ARMC6: variants seen among roughly 807,000 people sequenced by gnomAD.
ARMC6 encodes armadillo repeat containing 6, also known as armadillo repeat-containing protein 6.
ARMC6 carries 43 observed loss-of-function variants against 49.2 expected under a neutral mutation model. The ratio of observed to expected loss-of-function variants is 0.87; its 90% CI spans 0.69 to 1.13. ARMC6 has a LOEUF of 1.13. Ranked by LOEUF, ARMC6 falls within the 50% of genes most tolerant of loss-of-function variation. The probability of loss-of-function intolerance (pLI) is 0.00; values close to 1 mark genes in which losing one functional copy is unlikely to be tolerated. For synonymous variants in ARMC6, 262 were observed against 289.6 expected (o/e 0.90, Z 0.97); for missense variants, 627 against 682.0 (o/e 0.92, Z 0.90).
intron 2 of ARMC6, among the ~76,000 whole-genome samples, chr19:19,038,645 T>C (rs1297670617): frequency 6.6e-6 from 1 of 152,168 alleles, no homozygotes; most frequent in Admixed American, 6.5e-5. Flanking sequence ...TGGCGTGATC[T>C]TGTCTCACTG....
At chr19:19,054,096 A>AG (rs1406900877) in intron 5 of ARMC6, 56 bp from the exon 6 acceptor site, 1 of 1,450,604 alleles carries the variant, frequency 6.9e-7, no homozygotes, top group African/African-American at 1.5e-5. Flanking sequence ...ACCAAAACAG[A>AG]GGGCCCTGCG....
At chr19:19,042,512 C>G (rs1217555452) in intron 2 of ARMC6, among the ~76,000 whole-genome samples, 199 bp from the exon 3 acceptor site, 2 of 152,184 alleles carry the variant, frequency 1.3e-5, no homozygotes, top group African/African-American at 4.8e-5. Flanking sequence ...CACACCCGGC[C>G]TCTTCTGTAT....
rs2059537815 is a variant in ARMC6 at position 19,055,669 on chromosome 19, G to C, written c.1156-122G>C. On this transcript the variant is annotated intron_variant, in intron 7 of 8. Transcript: ENST00000535612. The surrounding 1 kb of genome is among the most constrained non-coding windows in gnomAD (Gnocchi z 5.7). ...TTGTCACCCTGCCATTATTACACAG[G>C]AGTTGCCAGAGACCCACGGAGGGGA... The C allele has an allele frequency of 7.3e-7, 1 of 1,376,988 alleles. No homozygotes were observed. Among genetic ancestry groups the C allele is most frequent in the Non-Finnish European group, 9.8e-7 (1 of 1,021,236 alleles). The allele number at this position is 1,376,988 out of a possible 1,614,324, so 85.3% of individuals were successfully genotyped here.
Position 19,055,241 on chromosome 19 carries a change from T to C in ARMC6, c.1024-24T>C, listed in dbSNP as rs1475713319. On this transcript the variant is annotated intron_variant, in intron 6 of 8. Transcript: ENST00000535612. This position sits in a 1 kb window ranked among gnomAD's most constrained non-coding sequence, Gnocchi z 5.7. The stretch of plus-strand genomic sequence containing the variant: ...CCACAACCAGCGGCCTGGCTGGAGG[T>C]GAGCGGGCCTTTCCCTTGTGCAGGA... The C allele has an allele frequency of 6.4e-7, 1 of 1,558,224 alleles. No individual in the cohort carries two copies. The highest frequency in any genetic ancestry group is 8.7e-7 in the Non-Finnish European group (1 of 1,152,578).
intron 4 of ARMC6, among the ~76,000 whole-genome samples, chr19:19,044,707 C>T (rs2059435115): frequency 6.6e-6 from 1 of 152,246 alleles, no homozygotes; most frequent in Admixed American, 6.5e-5. Flanking sequence ...TTCCTGTCTT[C>T]TTGGTCACTG....
intron 3 of ARMC6, 44 bp downstream of exon 3, chr19:19,042,921 G>T (rs544337088): frequency 6.2e-7 from 1 of 1,607,044 alleles, no homozygotes; most frequent in East Asian, 2.2e-5. Flanking sequence ...GCTCTTAGAT[G>T]CAAGAGCAGT....
Position 19,055,672 on chromosome 19 carries a change from T to C in ARMC6, c.1156-119T>C, listed in dbSNP as rs929546569. Reference sequence around the variant, plus strand: ...TCACCCTGCCATTATTACACAGGAGTTGCCAGAGACCCACGGAGGGGAGGC... The same window carrying C: ...TCACCCTGCCATTATTACACAGGAGCTGCCAGAGACCCACGGAGGGGAGGC... On this transcript the variant is annotated intron_variant, in intron 7 of 8. Transcript: ENST00000535612. This position sits in a 1 kb window ranked among gnomAD's most constrained non-coding sequence, Gnocchi z 5.7. 2 of 1,399,398 alleles carry C rather than the reference T, an allele frequency of 1.4e-6. No homozygotes were observed. Among genetic ancestry groups the C allele is most frequent in the Admixed American group, 2.3e-5 (1 of 43,964 alleles). 86.7% of individuals were successfully genotyped at this position (1,399,398 alleles called of 1,614,324 possible). A position where few individuals can be genotyped will look rare whatever the true frequency, so the allele number is the denominator to read the frequency against.
chr19:19,041,341 T>C (rs969314681), intron 2 of ARMC6, among the ~76,000 whole-genome samples: 1 of 152,172 alleles, frequency 6.6e-6, no homozygotes, highest in Non-Finnish European at 1.5e-5. Flanking sequence ...CTCAACTTTA[T>C]CGAGGTATAG....
intron 3 of ARMC6, among the ~76,000 whole-genome samples, chr19:19,043,566 A>G (rs2059425951): frequency 4.6e-5 from 7 of 152,144 alleles, no homozygotes; most frequent in Admixed American, 4.6e-4. Context: ...CAGTGGGACA[A>G]GCAAAAGCGT....
chr19:19,054,454 A>G (rs1478831646), intron 6 of ARMC6, 133 bp downstream of exon 6: 1 of 978,232 alleles, frequency 1.0e-6, no homozygotes, highest in Non-Finnish European at 1.4e-6. Context: ...CACGGACCCA[A>G]GGGCAGGAAC....
At chr19:19,050,360 C>T (rs548100990) in intron 4 of ARMC6, among the ~76,000 whole-genome samples, 131 of 152,298 alleles carry the variant, frequency 8.6e-4, no homozygotes, top group Middle Eastern at 3.4e-3. Context: ...AGAAGTGGAA[C>T]TGATGGGTCA....
In ARMC6 at chr19:19,055,140, A is replaced by T; in HGVS notation, c.1024-125A>T. 2 of 1,254,442 alleles carry T rather than the reference A, an allele frequency of 1.6e-6. No individual in the cohort carries two copies. Among genetic ancestry groups the T allele is most frequent in the Non-Finnish European group, 2.1e-6 (2 of 935,810 alleles). 77.7% of individuals were successfully genotyped at this position (1,254,442 alleles called of 1,614,324 possible). ...CAGGCATCTGCCACCCCTTCTCGTTAGTCACACCCTGCAGTCACACCATAC... is the reference window on the plus strand; with the variant it reads ...CAGGCATCTGCCACCCCTTCTCGTTTGTCACACCCTGCAGTCACACCATAC... On this transcript the variant is annotated intron_variant, in intron 6 of 8. Transcript: ENST00000535612. This position sits in a 1 kb window ranked among gnomAD's most constrained non-coding sequence, Gnocchi z 5.7.
chr19:19,036,658 C>G (rs986695705), intron 2 of ARMC6, among the ~76,000 whole-genome samples: 5 of 152,156 alleles, frequency 3.3e-5, no homozygotes, highest in Admixed American at 2.6e-4. Context: ...AAAGAGCTCC[C>G]TTTTCTTCTG....
intron 5 of ARMC6, among the ~76,000 whole-genome samples, 166 bp downstream of exon 5, chr19:19,052,361 A>C (rs1051092576): frequency 6.6e-6 from 1 of 152,100 alleles, no homozygotes. Context: ...GAGTCTCCCC[A>C]TGTTTTCTAG....
Position 19,051,858 on chromosome 19 carries a change from C to T in ARMC6, c.516C>T (p.Leu172=). The T allele has an allele frequency of 6.2e-7, 1 of 1,614,164 alleles. No individual in the cohort carries two copies. Among genetic ancestry groups the T allele is most frequent in the Non-Finnish European group, 8.5e-7 (1 of 1,180,034 alleles). The change falls in exon 5 of 9, where the codon CTC becomes CTT. Residue 172 remains leucine (L), a synonymous_variant. Transcript: ENST00000535612. ...TGCTGACTGATGGACAGCCAGACCT[C>T]CTGGATGCCCAGGGCCTGCAGCTCC... ...LSVLTDGQPD[L]LDAQGLQLLV... is the part of the protein sequence containing the mutation.
chr19:19,054,115 T>C, intron 5 of ARMC6, 37 bp from the exon 6 acceptor site: 1 of 1,489,494 alleles, frequency 6.7e-7, no homozygotes, highest in Non-Finnish European at 8.9e-7. Flanking sequence ...CGGCTGGTTC[T>C]TCCCGCCCCC....
At chr19:19,043,309 C>T (rs1195131702) in intron 3 of ARMC6, among the ~76,000 whole-genome samples, 1 of 152,140 alleles carries the variant, frequency 6.6e-6, no homozygotes, top group Non-Finnish European at 1.5e-5. Flanking sequence ...GTTAGGAGAC[C>T]ACCCCTAGCA....
intron 2 of ARMC6, among the ~76,000 whole-genome samples, chr19:19,035,018 C>G (rs1010305518): frequency 6.6e-6 from 1 of 152,178 alleles, no homozygotes; most frequent in Non-Finnish European, 1.5e-5. Context: ...CCCGCCACCA[C>G]GCCCGGCTAG....
chr19:19,043,485 A>G (rs969844636), intron 3 of ARMC6, among the ~76,000 whole-genome samples: 6 of 152,142 alleles, frequency 3.9e-5, no homozygotes, highest in African/African-American at 7.2e-5. Flanking sequence ...GAACAAACCC[A>G]GGGTACAGCC....
Sources: allele counts gnomAD v4.1 joint callset (sites outside exome capture counted in the v4.1 genomes callset), GRCh38; gene constraint gnomAD v4.1.1; non-coding constraint Gnocchi (gnomAD v3.1); transcripts MANE v1.5; gene names NCBI Gene and HGNC (gene_info 2026-07-23, HGNC 2026-07-21).